Variants in ZNF512B observed in about 807,000 individuals in gnomAD.
The protein encoded by ZNF512B is zinc finger protein 512B.
ZNF512B carries 22 observed loss-of-function variants against 87.8 expected under a neutral mutation model. The ratio of observed to expected loss-of-function variants is 0.25; its 90% CI spans 0.18 to 0.36. The LOEUF (loss-of-function observed/expected upper bound fraction) is 0.36, where lower values mean the gene tolerates loss of function less well. Ranked by LOEUF, ZNF512B falls within the 10% of genes least tolerant of loss-of-function variation. ZNF512B has a pLI of 1.00. For missense variants in ZNF512B, 1,060 were observed against 1,231.6 expected, an observed-to-expected ratio of 0.86 and a Z score of 2.09; for synonymous variants, 524 against 490.9, an observed-to-expected ratio of 1.07 and a Z score of -0.89.
chr20:63,964,256 C>T, intron 7 of ZNF512B, 39 bp from the exon 8 acceptor site: 1 of 1,612,076 alleles, frequency 6.2e-7, no homozygotes, highest in Non-Finnish European at 8.5e-7. Context: ...CAGGGATGGG[C>T]TCAGGGGCTG....
chr20:63,967,067 C>T, intron 3 of ZNF512B, 63 bp from the exon 4 acceptor site: 2 of 1,603,854 alleles, frequency 1.2e-6, no homozygotes, highest in East Asian at 4.5e-5. Flanking sequence ...CAGCCCGAGC[C>T]CCAGACTCAG....
chr20:63,964,439 G>C, intron 6 of ZNF512B, 48 bp from the exon 7 acceptor site: 1 of 1,613,578 alleles, frequency 6.2e-7, no homozygotes, highest in Non-Finnish European at 8.5e-7. Flanking sequence ...TGAAATAACC[G>C]TCAGGAGGCC....
chr20:63,959,632 G>C lies in ZNF512B; in HGVS notation c.*256C>G. 2.0e-6 allele frequency: 1 copy of C among 501,434 alleles called. No individual in the cohort carries two copies. Among genetic ancestry groups the C allele is most frequent in the South Asian group, 3.9e-5 (1 of 25,658 alleles). 31.1% of individuals were successfully genotyped at this position (501,434 alleles called of 1,614,324 possible). A position where few individuals can be genotyped will look rare whatever the true frequency, so the allele number is the denominator to read the frequency against. On this transcript the variant is annotated 3_prime_UTR_variant, in exon 17 of 17. Coordinates refer to ENST00000369888, the MANE Select transcript of ZNF512B (RefSeq NM_020713.3). ...CAAGACCCCAGACACATTCCCATGA[G>C]GAGGGGCAACCCTCCTGGCTATTGC...
intron 13 of ZNF512B, 105 bp downstream of exon 13, chr20:63,962,482 A>G (rs1601476391): frequency 1.3e-6 from 2 of 1,551,882 alleles, no homozygotes; most frequent in Admixed American, 3.8e-5. Flanking sequence ...TGGCGGGGGC[A>G]GCGGGTGGCC....
chr20:63,963,994 A>G, intron 8 of ZNF512B, 77 bp downstream of exon 8: 1 of 1,595,478 alleles, frequency 6.3e-7, no homozygotes, highest in Non-Finnish European at 8.5e-7. Context: ...CAGTCTCCAC[A>G]CTCAGCCCCC....
At position 63,959,748 on chromosome 20, in the gene ZNF512B, G is replaced by C. The variant is rs1474463157; in HGVS notation, c.*140C>G. ...AAGGGCCACCTTCAGGGAAGGGAGAGTGGCTGGCTGCCCCACTGGACGGAT... is the reference window on the plus strand; with the variant it reads ...AAGGGCCACCTTCAGGGAAGGGAGACTGGCTGGCTGCCCCACTGGACGGAT... On this transcript the variant is annotated 3_prime_UTR_variant, in exon 17 of 17. Coordinates refer to ENST00000369888, the MANE Select transcript of ZNF512B (RefSeq NM_020713.3). 1.5e-6 allele frequency: 2 copies of C among 1,302,422 alleles called. No homozygotes were observed. Among genetic ancestry groups the C allele is most frequent in the Non-Finnish European group, 1.0e-6 (1 of 978,152 alleles). The allele number at this position is 1,302,422 out of a possible 1,614,324, so 80.7% of individuals were successfully genotyped here.
intron 8 of ZNF512B, 40 bp from the exon 9 acceptor site, chr20:63,963,953 G>A (rs766180744): frequency 1.2e-6 from 2 of 1,603,316 alleles, no homozygotes; most frequent in South Asian, 2.2e-5. Context: ...TGTGGGGGCT[G>A]CTGGGTGGCC....
chr20:63,964,748 G>C (rs1488760097), intron 5 of ZNF512B, 32 bp from the exon 6 acceptor site: 1 of 1,601,448 alleles, frequency 6.2e-7, no homozygotes, highest in Non-Finnish European at 8.5e-7. Context: ...AGGGCCAGGA[G>C]GGCCTAACTG....
chr20:63,966,733 C>T lies in ZNF512B; in HGVS notation c.442G>A (p.Ala148Thr), dbSNP rs749184392. The T allele has an allele frequency of 1.1e-5, 18 of 1,603,460 alleles. No homozygotes were observed. The highest frequency in any genetic ancestry group is 1.4e-5 in the Non-Finnish European group (16 of 1,175,138). ...LAFPCPFCEA[A>T]FTSKTQLEKH... ...TCCAGCTGGGTCTTAGAGGTGAATG[C>T]GGCCTCGCAGAAGGGGCAGGGGAAG... Residue 148 changes from alanine to threonine, a missense_variant, in exon 5 of 17, where the codon GCA (alanine) becomes ACA (threonine). By Grantham distance (58) the Ala-to-Thr change is moderately conservative (BLOSUM62 0). Transcript: ENST00000369888.
At chr20:63,962,542 G>A (rs746962683) in intron 13 of ZNF512B, 45 bp downstream of exon 13, 9 of 1,576,930 alleles carry the variant, frequency 5.7e-6, no homozygotes, top group South Asian at 5.7e-5. Flanking sequence ...CATGCCCCAC[G>A]CAGAGGCCAC....
chr20:63,967,755 C>T, intron 2 of ZNF512B, 75 bp downstream of exon 2: 1 of 1,567,648 alleles, frequency 6.4e-7, no homozygotes, highest in Non-Finnish European at 8.7e-7. Flanking sequence ...GACAGGACGC[C>T]CAGGGCAATG....
At chr20:63,969,258 G>T in intron 1 of ZNF512B, 6 of 899,790 alleles carry the variant, frequency 6.7e-6, no homozygotes, top group Non-Finnish European at 8.0e-6. Context: ...GAAGAATTCA[G>T]AATAGTGGGG....
At chr20:63,964,880 T>TCCTC (rs1359391412) in intron 5 of ZNF512B, among the ~76,000 whole-genome samples, 164 bp from the exon 6 acceptor site, 12 of 69,310 alleles carry the variant, frequency 1.7e-4, no homozygotes, top group African/African-American at 6.1e-4. Context: ...TTACCACTGT[T>TCCTC]CCCTGACCTG....
rs2058862162 is a variant in ZNF512B, at chr20:63,962,338, G to T, written c.2200C>A (p.Pro734Thr). ...YTRPGLPTLN[P>T]QLLEAWKNEV... Reference sequence around the variant, plus strand: ...TTCTTCCATGCCTCTAGCAGCTGGGGGTTCAGCGTGGGGAGCCCTGGTCGA... The same window carrying T: ...TTCTTCCATGCCTCTAGCAGCTGGGTGTTCAGCGTGGGGAGCCCTGGTCGA... Residue 734 changes from proline (P) to threonine (T), a missense_variant, in exon 14 of 17, where the codon CCC becomes ACC. Pro to Thr is a conservative substitution (Grantham distance 38). Around this residue, in one of 9 missense-constraint regions of ZNF512B, gnomAD observed 253 missense variants for 259.2 expected, o/e 0.98. Coordinates refer to ENST00000369888, the MANE Select transcript of ZNF512B (RefSeq NM_020713.3). 1 of 1,612,784 alleles carries T rather than the reference G, an allele frequency of 6.2e-7. No homozygotes were observed.
chr20:63,964,647 G>T lies in ZNF512B; in HGVS notation c.1104C>A (p.Gly368=), dbSNP rs372744819. ...KQARPENGEY[G]PSSMGQSSAF... ...CCGAGCTCTGGCCCATGGAGGAGGGGCCGTACTCCCCATTCTCTGGCCTGG... is the reference window on the plus strand; with the variant it reads ...CCGAGCTCTGGCCCATGGAGGAGGGTCCGTACTCCCCATTCTCTGGCCTGG... The change falls in exon 6 of 17, where the codon GGC becomes GGA. Residue 368 remains glycine, a synonymous_variant. Coordinates refer to ENST00000369888, the MANE Select transcript of ZNF512B (RefSeq NM_020713.3). 49 of 1,612,532 alleles carry T rather than the reference G, an allele frequency of 3.0e-5. No homozygotes were observed. Among genetic ancestry groups the T allele is most frequent in the Non-Finnish European group, 4.1e-5 (48 of 1,180,000 alleles).
chr20:63,966,824 T>G, intron 4 of ZNF512B, 43 bp from the exon 5 acceptor site: 1 of 1,609,426 alleles, frequency 6.2e-7, no homozygotes, highest in Non-Finnish European at 8.5e-7. Flanking sequence ...CCCAAGGGCC[T>G]CTGCCCAAAC....
At position 63,962,775 on chromosome 20, in the gene ZNF512B, C is replaced by G. The variant is rs781406624; in HGVS notation, c.1975G>C (p.Glu659Gln). Residue 659 changes from glutamate (E) to glutamine (Q), a missense_variant, in exon 13 of 17, where the codon GAG becomes CAG. This residue lies in a region of ZNF512B where 165 missense variants were observed against 173.0 expected (regional missense o/e 0.95). Transcript: ENST00000369888. Reference protein sequence around the residue: ...VRSEHTAPPPEEPTDKSPEAE... With the variant: ...VRSEHTAPPPQEPTDKSPEAE... ...TCAGGGGACTTGTCTGTGGGCTCCT[C>G]AGGGGGCTGGAGGGCAGGAAGGCAT... The G allele has an allele frequency of 6.9e-6, 11 of 1,596,186 alleles. No homozygotes were observed. In the South Asian group the frequency reaches 1.2e-4, roughly 18 times the overall value.
In ZNF512B at chr20:63,967,369, G is replaced by T; in HGVS notation, c.264+12C>A. The stretch of plus-strand genomic sequence containing the variant: ...CCAGCATGAGCCCCACCATGGCCCT[G>T]AGGGAGCTCACAGGAATGTCTCGGA... On this transcript the variant is annotated intron_variant, in intron 3 of 16. Transcript: ENST00000369888. 2 of 1,594,032 alleles carry T rather than the reference G, an allele frequency of 1.3e-6. No homozygotes were observed. The highest frequency in any genetic ancestry group is 1.7e-6 in the Non-Finnish European group (2 of 1,168,070).
chr20:63,962,698 G>A lies in ZNF512B; in HGVS notation c.2052C>T (p.Arg684=). Residue 684 remains arginine (R), a synonymous_variant, in exon 13 of 17, where the codon CGC becomes CGT. Transcript: ENST00000369888. ...VERTPSGRVR[R]TSAQVAVFHL... is the part of the protein sequence containing the mutation. ...GGAACACCGCCACCTGGGCCGACGTGCGGCGGACACGCCCGCTTGGGGTCC... is the reference window on the plus strand; with the variant it reads ...GGAACACCGCCACCTGGGCCGACGTACGGCGGACACGCCCGCTTGGGGTCC... 2 of 1,603,338 alleles carry A rather than the reference G, an allele frequency of 1.2e-6. No individual in the cohort carries two copies. The highest frequency in any genetic ancestry group is 1.7e-6 in the Non-Finnish European group (2 of 1,176,458).
Sources: allele counts gnomAD v4.1 joint callset (sites outside exome capture counted in the v4.1 genomes callset), GRCh38; gene constraint gnomAD v4.1.1; regional missense constraint gnomAD v4.1.1; transcripts MANE v1.5; gene names NCBI Gene and HGNC (gene_info 2026-07-23, HGNC 2026-07-21).